Variants in SLC35F4 observed in about 807,000 individuals in gnomAD.
SLC35F4 encodes solute carrier family 35 member F4, also known as chromosome 14 open reading frame 36.
Under a neutral mutation model 44.2 loss-of-function variants are expected in SLC35F4, and 24 were observed. The ratio of observed to expected loss-of-function variants is 0.54; its 90% CI spans 0.39 to 0.76. The LOEUF is 0.76. Among genes scored for constraint, SLC35F4 ranks in the 30% least tolerant of loss-of-function variants. The pLI is 0.00. For missense variants in SLC35F4, 562 were observed against 586.1 expected (o/e 0.96, Z 0.42); for synonymous variants, 238 against 223.6 (o/e 1.06, Z -0.57).
Position 57,721,590 on chromosome 14 carries a change from T to C in SLC35F4, c.104-127466A>G, listed in dbSNP as rs192219984. On this transcript the variant is annotated intron_variant, in intron 1 of 7. Transcript: ENST00000556826. ...TATCATGTGAGTGGCAAACCTGCCA[T>C]GAAAAGTGCATGCACAGCATCACAA... Among the ~76,000 whole-genome samples the C allele has an allele frequency of 8.9e-3, 1,359 of 152,148 alleles. 17 individuals carry two copies. The highest frequency in any genetic ancestry group is 0.012 in the Non-Finnish European group (795 of 67,994).
Position 57,569,830 on chromosome 14 carries a change from G to C in SLC35F4, c.1084C>G (p.Leu362Val), listed in dbSNP as rs2068398047. 6.2e-7 allele frequency: 1 copy of C among 1,611,392 alleles called. No individual in the cohort carries two copies. The highest frequency in any genetic ancestry group is 1.3e-5 in the African/African-American group (1 of 74,886). ...KVEHWSSFAA[L>V]PWGCLCGMAG... ...ATCCCACAGAGACAGCCCCATGGCA[G>C]AGCAGCAAAAGAGGACCAGTGCTCC... Residue 362 changes from leucine (L) to valine (V), a missense_variant, in exon 6 of 8, where the codon CTG (leucine) becomes GTG (valine). Leu to Val is a conservative substitution (Grantham distance 32, BLOSUM62 1). Coordinates refer to ENST00000556826, the MANE Select transcript of SLC35F4 (RefSeq NM_001306087.2).
chr14:57,666,410 G>C (rs1210770408), intron 1 of SLC35F4, among the ~76,000 whole-genome samples: 1 of 152,152 alleles, frequency 6.6e-6, no homozygotes, highest in African/African-American at 2.4e-5. Context: ...CCAGCAAAAA[G>C]CCAGGGCTTT....
intron 1 of SLC35F4, among the ~76,000 whole-genome samples, chr14:57,725,403 A>G (rs2076177949): frequency 6.6e-6 from 1 of 152,190 alleles, no homozygotes; most frequent in South Asian, 2.1e-4. Context: ...ATTATACTGG[A>G]CATCTTCCAA....
chr14:57,937,741 G>A (rs540345032), intron 1 of SLC35F4, among the ~76,000 whole-genome samples: 3 of 152,136 alleles, frequency 2.0e-5, no homozygotes, highest in Non-Finnish European at 2.9e-5. Context: ...ACTTGGAGGT[G>A]GGAAGCTGGG....
chr14:57,721,315 G>C (rs1196580559), intron 1 of SLC35F4, among the ~76,000 whole-genome samples: 2 of 152,144 alleles, frequency 1.3e-5, no homozygotes, highest in South Asian at 2.1e-4. Flanking sequence ...CTCATGAGAG[G>C]CAAGGAATTT....
chr14:57,763,372 T>C (rs1566832015), intron 1 of SLC35F4, among the ~76,000 whole-genome samples: 1 of 152,204 alleles, frequency 6.6e-6, no homozygotes. Context: ...AGAGAATATT[T>C]TTAACTCATA....
chr14:57,911,792 C>T (rs1091166), intron 1 of SLC35F4, among the ~76,000 whole-genome samples: 87,263 of 151,812 alleles, frequency 0.57, 26,828 homozygotes, highest in African/African-American at 0.8. Context: ...ACTGGCTTCA[C>T]AGAATGAGTT....
intron 1 of SLC35F4, among the ~76,000 whole-genome samples, chr14:57,920,434 A>G (rs1180282023): frequency 6.6e-6 from 1 of 152,154 alleles, no homozygotes; most frequent in Non-Finnish European, 1.5e-5. Flanking sequence ...TTAGCCAGGC[A>G]TGGTGACATG....
At chr14:57,743,612 C>G (rs1464641255) in intron 1 of SLC35F4, among the ~76,000 whole-genome samples, 1 of 152,120 alleles carries the variant, frequency 6.6e-6, no homozygotes, top group Non-Finnish European at 1.5e-5. Context: ...AACTCCAGGA[C>G]CAGACGGATT....
At position 57,898,200 on chromosome 14, in the gene SLC35F4, A is replaced by C. The variant is rs191849883; in HGVS notation, n.282+83713T>G. Among the ~76,000 whole-genome samples, 20 of 152,340 alleles carry C rather than the reference A, an allele frequency of 1.3e-4. No individual in the cohort carries two copies. The East Asian group carries it at 1.3e-3, about 10-fold the overall frequency. On this transcript the variant is annotated intron_variant and non_coding_transcript_variant, in intron 1 of 1. Transcript: ENST00000556568. ...CAAAACAAGATTAGTTTGCTAGACT[A>C]ACAAGGTGGCAGAATAAAAATGAAT...
chr14:57,601,098 A>G (rs2070799436), intron 1 of SLC35F4, among the ~76,000 whole-genome samples: 1 of 152,048 alleles, frequency 6.6e-6, no homozygotes, highest in Admixed American at 6.5e-5. Flanking sequence ...CATTTAATAA[A>G]TAAATATGTT....
At chr14:57,938,413 C>T (rs1889854845) in intron 1 of SLC35F4, among the ~76,000 whole-genome samples, 1 of 152,124 alleles carries the variant, frequency 6.6e-6, no homozygotes, top group Non-Finnish European at 1.5e-5. Context: ...GTCAGACAGA[C>T]CAGGCTTGAA....
intron 1 of SLC35F4, among the ~76,000 whole-genome samples, chr14:57,824,420 G>GATAC (rs888696032): frequency 6.6e-6 from 1 of 151,772 alleles, no homozygotes; most frequent in Non-Finnish European, 1.5e-5. Context: ...TAGATAGATA[G>GATAC]ATACATACAT....
chr14:57,629,409 T>C (rs1475005924), intron 1 of SLC35F4, among the ~76,000 whole-genome samples: 3 of 152,108 alleles, frequency 2.0e-5, no homozygotes, highest in Non-Finnish European at 4.4e-5. Context: ...GACTGAAGCA[T>C]TGCCTTTCTA....
chr14:57,946,871 T>C (rs1890042864), intron 1 of SLC35F4, among the ~76,000 whole-genome samples: 1 of 152,192 alleles, frequency 6.6e-6, no homozygotes, highest in Non-Finnish European at 1.5e-5. Context: ...TATAGCCTTG[T>C]AGTATAGTTT....
rs1252760377 is a variant in SLC35F4, at chr14:57,563,955, A to G, written c.*180T>C. 2.3e-5 allele frequency: 15 copies of G among 653,676 alleles called. No homozygotes were observed. The highest frequency in any genetic ancestry group is 3.1e-5 in the Non-Finnish European group (13 of 414,060). The allele number at this position is 653,676 out of a possible 1,614,324, so 40.5% of individuals were successfully genotyped here. On this transcript the variant is annotated 3_prime_UTR_variant, in exon 8 of 8. Transcript: ENST00000556826. Reference sequence around the variant, plus strand: ...ATGTGTTTTAATAAAAAAATCCATTATGATTATTTACACCAATTCCTTGAT... The same window carrying G: ...ATGTGTTTTAATAAAAAAATCCATTGTGATTATTTACACCAATTCCTTGAT...
At chr14:57,594,185 ATTAT>A (rs1260165551) in intron 1 of SLC35F4, 61 bp from the exon 2 acceptor site, 18 of 1,449,452 alleles carry the variant, frequency 1.2e-5, no homozygotes, top group South Asian at 5.2e-5. Context: ...AGTAGATTTT[ATTAT>A]TTATTTAATT....
At chr14:57,938,828 C>T (rs566513986) in intron 1 of SLC35F4, among the ~76,000 whole-genome samples, 12 of 152,136 alleles carry the variant, frequency 7.9e-5, no homozygotes, top group Middle Eastern at 3.4e-3. Context: ...GACATGCTAC[C>T]GATTGGGGTT....
intron 1 of SLC35F4, among the ~76,000 whole-genome samples, chr14:57,800,734 T>C (rs929830391): frequency 2.6e-5 from 4 of 151,840 alleles, no homozygotes; most frequent in Non-Finnish European, 4.4e-5. Flanking sequence ...CAAGTATCAA[T>C]AGTAGAATGG....
Sources: allele counts gnomAD v4.1 joint callset (sites outside exome capture counted in the v4.1 genomes callset), GRCh38; gene constraint gnomAD v4.1.1; transcripts MANE v1.5; gene names NCBI Gene and HGNC (gene_info 2026-07-23, HGNC 2026-07-21).